MYO9A: variants seen among roughly 807,000 people sequenced by gnomAD.
MYO9A encodes the protein unconventional myosin-IXa.
MYO9A carries 103 observed loss-of-function variants against 293.3 expected under a neutral mutation model. That is an observed-to-expected ratio of 0.35 (90% confidence interval 0.30 to 0.41). The LOEUF is 0.41. Among genes scored for constraint, MYO9A ranks in the 10% least tolerant of loss-of-function variants. MYO9A has a pLI of 1.00. For missense variants in MYO9A, 2,685 were observed against 3,033.0 expected, an observed-to-expected ratio of 0.89 and a Z score of 2.69; for synonymous variants, 1,001 against 1,035.7, an observed-to-expected ratio of 0.97 and a Z score of 0.64.
At chr15:72,098,428 C>CTAAA (rs1190024815) in intron 1 of MYO9A, among the ~76,000 whole-genome samples, 2 of 151,982 alleles carry the variant, frequency 1.3e-5, no homozygotes, top group Non-Finnish European at 2.9e-5. Flanking sequence ...AACTAACATA[C>CTAAA]TAAAAATTGT....
chr15:71,890,473 G>A (rs978445670), intron 26 of MYO9A: 2 of 152,016 alleles, frequency 1.3e-5, no homozygotes, highest in African/African-American at 4.8e-5. Flanking sequence ...TTACTAACCC[G>A]CTTACCATTC....
At chr15:71,943,041 T>A (rs2058819238) in intron 15 of MYO9A, among the ~76,000 whole-genome samples, 1 of 152,082 alleles carries the variant, frequency 6.6e-6, no homozygotes, top group African/African-American at 2.4e-5. Context: ...TAATTAAAAA[T>A]CATGTAGCTA....
intron 12 of MYO9A, among the ~76,000 whole-genome samples, chr15:71,975,293 A>G (rs981850026): frequency 1.6e-5 from 2 of 121,394 alleles, no homozygotes; most frequent in Non-Finnish European, 3.5e-5. Flanking sequence ...GGCCTATGAC[A>G]TGATTTTATC....
intron 18 of MYO9A, among the ~76,000 whole-genome samples, chr15:71,927,299 TAC>T (rs1202238216): frequency 6.6e-6 from 1 of 152,256 alleles, no homozygotes; most frequent in Non-Finnish European, 1.5e-5. Flanking sequence ...TTCTCCCATT[TAC>T]AGTTTGTCTC....
chr15:72,026,706 G>A (rs2077684344), intron 4 of MYO9A, among the ~76,000 whole-genome samples: 1 of 152,096 alleles, frequency 6.6e-6, no homozygotes, highest in South Asian at 2.1e-4. Flanking sequence ...CTAAACTGAT[G>A]AGACAGACAG....
chr15:71,902,905 C>T (rs1361037216), intron 22 of MYO9A, 36 bp downstream of exon 22: 1 of 1,419,994 alleles, frequency 7.0e-7, no homozygotes, highest in Non-Finnish European at 9.4e-7. Flanking sequence ...AATAAATGCA[C>T]TCAATTTTGA....
At chr15:71,918,167 C>T (rs2058062501) in intron 18 of MYO9A, among the ~76,000 whole-genome samples, 1 of 151,956 alleles carries the variant, frequency 6.6e-6, no homozygotes, top group South Asian at 2.1e-4. Context: ...TTGGCCAATA[C>T]AATAAAGACT....
chr15:71,848,777 C>A, intron 39 of MYO9A, 68 bp downstream of exon 39: 4 of 1,531,176 alleles, frequency 2.6e-6, no homozygotes, highest in Non-Finnish European at 3.5e-6. Flanking sequence ...CTTGTATACA[C>A]CACAAAAGCA....
At position 71,898,625 on chromosome 15, in the gene MYO9A, C is replaced by T. The variant is rs183156147; in HGVS notation, c.3878G>A (p.Arg1293His). Residue 1293 changes from arginine to histidine, a missense_variant, in exon 25 of 42, where the codon CGT becomes CAT. This residue lies in a region of MYO9A where 1,434 missense variants were observed against 1,497.7 expected (regional missense o/e 0.96). Transcript: ENST00000356056. Reference sequence around the variant, plus strand: ...TGAAGGAGAAATACCACCAAGAGAACGAACTTTCAGCAATTCTAAGCTAAA... The same window carrying T: ...TGAAGGAGAAATACCACCAAGAGAATGAACTTTCAGCAATTCTAAGCTAAA... ...AIFSLELLKV[R>H]SLGGISPSED... 29 of 1,614,122 alleles carry T rather than the reference C, an allele frequency of 1.8e-5. No homozygotes were observed. In the East Asian group the frequency reaches 2.7e-4, roughly 15 times the overall value.
intron 3 of MYO9A, among the ~76,000 whole-genome samples, chr15:72,029,547 A>C (rs1038019728): frequency 6.6e-6 from 1 of 152,226 alleles, no homozygotes; most frequent in African/African-American, 2.4e-5. Context: ...ACCATAGTAT[A>C]TGAGGTCCAT....
intron 18 of MYO9A, among the ~76,000 whole-genome samples, chr15:71,929,059 T>C (rs1019997672): frequency 2.7e-5 from 4 of 149,738 alleles, no homozygotes; most frequent in Non-Finnish European, 5.9e-5. Flanking sequence ...GGCAGAGTGA[T>C]ACACTGTCTC....
intron 39 of MYO9A, among the ~76,000 whole-genome samples, chr15:71,848,414 G>T (rs1197975013): frequency 6.6e-6 from 1 of 152,064 alleles, no homozygotes; most frequent in Non-Finnish European, 1.5e-5. Context: ...AGAATCAAAT[G>T]ATTCCATTTA....
chr15:71,888,367 T>G (rs531187831), intron 26 of MYO9A: 2 of 231,098 alleles, frequency 8.7e-6, no homozygotes, highest in South Asian at 3.0e-4. Context: ...AAAAAGAATC[T>G]CAAGTGGAAA....
At chr15:71,943,519 G>A (rs2058832540) in intron 15 of MYO9A, among the ~76,000 whole-genome samples, 1 of 151,918 alleles carries the variant, frequency 6.6e-6, no homozygotes, top group Non-Finnish European at 1.5e-5. Context: ...TTCATAACAT[G>A]TAATTAAACA....
At chr15:71,896,294 A>G (rs1453777393) in intron 25 of MYO9A, among the ~76,000 whole-genome samples, 1 of 152,200 alleles carries the variant, frequency 6.6e-6, no homozygotes, top group East Asian at 1.9e-4. Context: ...TTTCATTGTT[A>G]ATGTAAAATT....
At chr15:71,841,647 AT>A (rs2055164422) in intron 39 of MYO9A, among the ~76,000 whole-genome samples, 1 of 150,656 alleles carries the variant, frequency 6.6e-6, no homozygotes, top group African/African-American at 2.4e-5. Flanking sequence ...ATTTTTCTTT[AT>A]TTTTTATTTT....
At chr15:72,060,664 A>G (rs1399257551) in intron 1 of MYO9A, among the ~76,000 whole-genome samples, 1 of 152,184 alleles carries the variant, frequency 6.6e-6, no homozygotes, top group Non-Finnish European at 1.5e-5. Flanking sequence ...TCAGAGAGGA[A>G]TTGTCCATCC....
In MYO9A at chr15:72,025,523, G is replaced by T. The variant is rs568116119; in HGVS notation, c.998+2208C>A. Among the ~76,000 whole-genome samples the T allele has an allele frequency of 2.6e-5, 4 of 152,164 alleles. No individual in the cohort carries two copies. The South Asian group carries it at 8.3e-4, about 32-fold the overall frequency. On this transcript the variant is annotated intron_variant, in intron 4 of 41. Coordinates refer to ENST00000356056, the MANE Select transcript of MYO9A (RefSeq NM_006901.4). Reference sequence around the variant, plus strand: ...ATACAGGCGCATGCAACCACACCTGGATAGTTTCTATACTTTTAGTTTCAC... The same window carrying T: ...ATACAGGCGCATGCAACCACACCTGTATAGTTTCTATACTTTTAGTTTCAC...
intron 8 of MYO9A, among the ~76,000 whole-genome samples, chr15:72,005,189 C>A (rs1161116269): frequency 6.6e-6 from 1 of 152,180 alleles, no homozygotes; most frequent in East Asian, 1.9e-4. Flanking sequence ...AAACTATACA[C>A]AAGAAGAAAT....
Sources: allele counts gnomAD v4.1 joint callset (sites outside exome capture counted in the v4.1 genomes callset), GRCh38; gene constraint gnomAD v4.1.1; regional missense constraint gnomAD v4.1.1; transcripts MANE v1.5; gene names NCBI Gene and HGNC (gene_info 2026-07-23, HGNC 2026-07-21).